The following RBFOX3 variants were observed in gnomAD, a reference collection of about 807,000 sequenced individuals.
RBFOX3 encodes RNA binding protein fox-1 homolog 3.
Under a neutral mutation model 48.7 loss-of-function variants are expected in RBFOX3, and 17 were observed. The observed-to-expected ratio is 0.35, with a 90% CI of 0.24 to 0.52. The LOEUF (loss-of-function observed/expected upper bound fraction) is 0.52, where lower values mean the gene tolerates loss of function less well. RBFOX3 is among the 20% of genes least tolerant of loss of function. The probability of loss-of-function intolerance (pLI) is 0.94; values close to 1 mark genes in which losing one functional copy is unlikely to be tolerated. For missense variants in RBFOX3, 382 were observed against 497.5 expected, an observed-to-expected ratio of 0.77 and a Z score of 2.21; for synonymous variants, 212 against 209.5, an observed-to-expected ratio of 1.01 and a Z score of -0.10.
chr17:79,432,001 T>G (rs138903718), intron 2 of RBFOX3, among the ~76,000 whole-genome samples: 1 of 152,246 alleles, frequency 6.6e-6, no homozygotes, highest in Non-Finnish European at 1.5e-5. Context: ...AATTTCTGTC[T>G]CTATGAATGT....
chr17:79,544,991 A>G (rs1394232571), intron 1 of RBFOX3, among the ~76,000 whole-genome samples: 2 of 151,208 alleles, frequency 1.3e-5, no homozygotes, highest in South Asian at 2.1e-4. Flanking sequence ...AAAAAAAAAA[A>G]AAAGAGAAAG....
chr17:79,356,348 GTTTTTTTT>G lies in RBFOX3; in HGVS notation c.-174-48532_-174-48525del, dbSNP rs58040659. On this transcript the variant is annotated intron_variant, in intron 2 of 14. Coordinates refer to ENST00000693108, the MANE Select transcript of RBFOX3 (RefSeq NM_001350451.2). ...ACTTTTTCACTTTTAAAACAGGGAA[GTTTTTTTT>G]TTTTTTTTTTTTTTTTTTTTTTTTT... 5.3e-4 allele frequency among the ~76,000 whole-genome samples: 25 copies of G among 47,328 alleles called. 2 individuals carry two copies. The highest frequency in any genetic ancestry group is 1.6e-3 in the African/African-American group (20 of 12,506). 31.0% of individuals were successfully genotyped at this position (47,328 alleles called of 152,430 possible).
intron 9 of RBFOX3, 96 bp from the exon 10 acceptor site, chr17:79,097,841 T>A: frequency 7.6e-7 from 1 of 1,309,962 alleles, no homozygotes; most frequent in Non-Finnish European, 1.1e-6. Context: ...GGTGGAGCCC[T>A]TGGGAACATT....
At chr17:79,428,944 G>A (rs1555727001) in intron 2 of RBFOX3, among the ~76,000 whole-genome samples, 2 of 152,190 alleles carry the variant, frequency 1.3e-5, no homozygotes, top group Admixed American at 1.3e-4. Flanking sequence ...TTCCCGGAGT[G>A]GCTGACTCCC....
At chr17:79,601,092 C>T (rs1015317458) in intron 1 of RBFOX3, 1 of 152,400 alleles carries the variant, frequency 6.6e-6, no homozygotes, top group South Asian at 2.1e-4. Flanking sequence ...TGCCTCAGCC[C>T]GACTGCAGCC....
At chr17:79,380,852 G>A (rs907568767) in intron 2 of RBFOX3, among the ~76,000 whole-genome samples, 13 of 151,556 alleles carry the variant, frequency 8.6e-5, no homozygotes, top group South Asian at 2.1e-4. Context: ...GTATTTGGAC[G>A]TCGCTCCACG....
intron 3 of RBFOX3, among the ~76,000 whole-genome samples, chr17:79,294,310 ACC>A (rs2073954027): frequency 6.6e-6 from 1 of 151,258 alleles, no homozygotes; most frequent in Middle Eastern, 3.4e-3. Context: ...GGTAGCAGAC[ACC>A]TTTTGCTTTT....
chr17:79,472,525 C>T (rs1444518140), intron 2 of RBFOX3, among the ~76,000 whole-genome samples: 3 of 152,166 alleles, frequency 2.0e-5, no homozygotes, highest in Non-Finnish European at 2.9e-5. Flanking sequence ...GATCAAGGGG[C>T]GGCCATGTGA....
intron 3 of RBFOX3, among the ~76,000 whole-genome samples, chr17:79,287,592 G>A (rs969684880): frequency 2.6e-5 from 4 of 152,294 alleles, no homozygotes; most frequent in South Asian, 2.1e-4. Flanking sequence ...ATGTGAGACC[G>A]GCCAACAGGC....
intron 3 of RBFOX3, among the ~76,000 whole-genome samples, chr17:79,255,222 CGTGTGT>C (rs142604866): frequency 3.7e-4 from 55 of 147,520 alleles, no homozygotes; most frequent in African/African-American, 1.1e-3. Flanking sequence ...CACATGTGTG[CGTGTGT>C]GTGTGTGTGT....
At chr17:79,305,876 C>T (rs2076022442) in intron 3 of RBFOX3, among the ~76,000 whole-genome samples, 1 of 150,400 alleles carries the variant, frequency 6.6e-6, no homozygotes, top group Non-Finnish European at 1.5e-5. Context: ...GAGTGCATAA[C>T]CTGGCTAACC....
intron 1 of RBFOX3, among the ~76,000 whole-genome samples, chr17:79,549,817 G>T (rs965177953): frequency 5.3e-5 from 8 of 152,226 alleles, no homozygotes; most frequent in African/African-American, 1.9e-4. Flanking sequence ...AGCCTGGTCA[G>T]AGCTAACGTT....
Position 79,199,027 on chromosome 17 carries a change from A to G in RBFOX3, c.-34+36739T>C, listed in dbSNP as rs1039206268. 6.6e-6 allele frequency among the ~76,000 whole-genome samples: 1 copy of G among 152,184 alleles called. No individual in the cohort carries two copies. Among genetic ancestry groups the G allele is most frequent in the Non-Finnish European group, 1.5e-5 (1 of 68,028 alleles). On this transcript the variant is annotated intron_variant, in intron 4 of 14. Transcript: ENST00000693108. The surrounding 1 kb of genome is among the most constrained non-coding windows in gnomAD (Gnocchi z 5.1). ...GTTTGTGAGGCTGAACATTGCCTGT[A>G]ACTCAGTTGTGAGGCTGTTGACTGA...
chr17:79,377,578 G>A (rs1199894961), intron 2 of RBFOX3, among the ~76,000 whole-genome samples: 1 of 152,194 alleles, frequency 6.6e-6, no homozygotes, highest in Non-Finnish European at 1.5e-5. Context: ...TTGGTAGGAC[G>A]CAGAGCTGCA....
At chr17:79,215,227 G>A (rs1248236454) in intron 4 of RBFOX3, among the ~76,000 whole-genome samples, 7 of 150,910 alleles carry the variant, frequency 4.6e-5, no homozygotes, top group Admixed American at 1.3e-4. Flanking sequence ...ACTGCATGCT[G>A]CCGCCCTCGT....
At chr17:79,654,099 C>T in the RBFOX3 span, among the ~76,000 whole-genome samples, 2 of 151,900 alleles carry the variant, frequency 1.3e-5, no homozygotes, top group African/African-American at 4.8e-5. Flanking sequence ...TAAACAAGGG[C>T]ATGAAAGAAA....
At chr17:79,174,789 G>A (rs1353649984) in intron 4 of RBFOX3, among the ~76,000 whole-genome samples, 2 of 152,220 alleles carry the variant, frequency 1.3e-5, no homozygotes, top group Non-Finnish European at 2.9e-5. Flanking sequence ...CACAGGGCCC[G>A]GCACAGTGAG....
At chr17:79,520,252 G>A (rs2085867971) in intron 1 of RBFOX3, among the ~76,000 whole-genome samples, 1 of 152,230 alleles carries the variant, frequency 6.6e-6, no homozygotes, top group South Asian at 2.1e-4. Flanking sequence ...CAAAGCAGGT[G>A]ACGAGGCAGC....
chr17:79,590,011 A>AC (rs1367284918), intron 1 of RBFOX3, among the ~76,000 whole-genome samples: 1 of 151,962 alleles, frequency 6.6e-6, no homozygotes, highest in Non-Finnish European at 1.5e-5. Flanking sequence ...GGTGCCCTCC[A>AC]CCCCCCATGT....
Sources: gnomAD v4.1 joint callset for allele counts (sites outside exome capture counted in the v4.1 genomes callset) on GRCh38, gnomAD v4.1.1 for gene constraint, Gnocchi (gnomAD v3.1) non-coding constraint, MANE v1.5 for transcripts, NCBI Gene and HGNC (gene_info 2026-07-23, HGNC 2026-07-21) for gene names.